Variants in PZP observed in about 807,000 individuals in gnomAD.
PZP encodes the protein PZP alpha-2-macroglobulin like, also known as pregnancy zone protein.
PZP carries 150 observed loss-of-function variants against 179.8 expected under a neutral mutation model. That is an observed-to-expected ratio of 0.83 (90% CI 0.73 to 0.96). PZP has a LOEUF of 0.96. Ranked by LOEUF, PZP falls within the 40% of genes least tolerant of loss-of-function variation. The pLI is 0.00. For missense variants in PZP, 1,689 were observed against 1,764.0 expected (o/e 0.96, Z 0.76); for synonymous variants, 624 against 652.3 (o/e 0.96, Z 0.66).
At chr12:9,167,764 G>C (rs186491602) in intron 17 of PZP, among the ~76,000 whole-genome samples, 30 of 151,966 alleles carry the variant, frequency 2.0e-4, no homozygotes, top group African/African-American at 7.2e-4. Flanking sequence ...ATTATATGCC[G>C]TCAATTTTCC....
At chr12:9,194,572 C>G (rs1206247402) in intron 10 of PZP, among the ~76,000 whole-genome samples, 6 of 148,652 alleles carry the variant, frequency 4.0e-5, no homozygotes, top group African/African-American at 1.5e-4. Flanking sequence ...TCACGCCATT[C>G]TCCTGCCTCA....
chr12:9,178,539 A>C (rs1227999956), intron 15 of PZP, among the ~76,000 whole-genome samples: 1 of 152,206 alleles, frequency 6.6e-6, no homozygotes, highest in African/African-American at 2.4e-5. Flanking sequence ...AAGAAAAAAT[A>C]ATGTATGCTG....
At chr12:9,206,795 C>T (rs772855368) in intron 1 of PZP, among the ~76,000 whole-genome samples, 7 of 151,986 alleles carry the variant, frequency 4.6e-5, no homozygotes, top group Non-Finnish European at 8.8e-5. Context: ...GCAGACACAA[C>T]GTAAAAGGAT....
intron 11 of PZP, 73 bp downstream of exon 11, chr12:9,194,004 G>T: frequency 1.5e-6 from 2 of 1,364,730 alleles, no homozygotes; most frequent in Non-Finnish European, 2.0e-6. Flanking sequence ...AATGCAATCT[G>T]TACATTTCTT....
chr12:9,159,961 A>T lies in PZP; in HGVS notation c.3114T>A (p.Tyr1038Ter), dbSNP rs756280366. The change falls in exon 25 of 36, where the codon TAT becomes TAA. Residue 1038 changes from tyrosine to a stop codon, truncating the protein, a stop_gained. Transcript: ENST00000261336. LOFTEE classifies it high-confidence loss of function. ...DGSYSTFGER[Y>*]GRNQGNTWLT... ...ACCAAGTGTTGCCCTGGTTCCTGCC[A>T]TATCGTTCCCCAAAGGTGCTGTAGG... 1 of 1,613,622 alleles carries T rather than the reference A, an allele frequency of 6.2e-7. No individual in the cohort carries two copies. Among genetic ancestry groups the T allele is most frequent in the Admixed American group, 1.7e-5 (1 of 60,010 alleles).
In PZP at chr12:9,160,387, G is replaced by A. The variant is rs1941090793; in HGVS notation, c.2976C>T (p.Val992=). 1 of 1,614,018 alleles carries A rather than the reference G, an allele frequency of 6.2e-7. No individual in the cohort carries two copies. The highest frequency in any genetic ancestry group is 1.7e-5 in the Admixed American group (1 of 60,000). ...GCTGGGTTTCATTCAGATAGTTCAA[G>A]ACATAGATGTTAGGAGCAAATAGGA... The part of the protein sequence containing the change: ...NMVLFAPNIY[V]LNYLNETQQL... Residue 992 remains valine (V), a synonymous_variant, in exon 24 of 36, where the codon GTC becomes GTT. Transcript: ENST00000261336.
rs1420381759 is a variant in PZP, at chr12:9,157,023, C to A, written c.3550+152G>T. The A allele has an allele frequency of 1.9e-5, 11 of 592,852 alleles. No individual in the cohort carries two copies. In the East Asian group the frequency reaches 3.2e-4, roughly 17 times the overall value. 36.7% of individuals were successfully genotyped at this position (592,852 alleles called of 1,614,324 possible). On this transcript the variant is annotated intron_variant, in intron 28 of 35. Transcript: ENST00000261336. ...CATGGTGGTTTGCTGCATGTATCAG[C>A]CCATCACCTGGTTATTAGGTCCCCC...
chr12:9,203,731 T>A (rs761916484), intron 2 of PZP, 37 bp downstream of exon 2: 1 of 1,609,240 alleles, frequency 6.2e-7, no homozygotes. Context: ...ATAAAATGTA[T>A]CAAGCAGGGA....
rs778240205 is a variant in PZP, at chr12:9,169,562, G to A, written c.1869C>T (p.Leu623=). The change falls in exon 16 of 36, where the codon CTC becomes CTT. Residue 623 remains leucine, a synonymous_variant. Coordinates refer to ENST00000261336, the MANE Select transcript of PZP (RefSeq NM_002864.3). ...SVYNLLTVKD[L]TNFPDNVDQQ... ...GGTCCACATTGTCAGGAAAATTGGT[G>A]AGATCCTTCACAGTTAGCAGATTAT... 3 of 1,612,684 alleles carry A rather than the reference G, an allele frequency of 1.9e-6. No individual in the cohort carries two copies. Among genetic ancestry groups the A allele is most frequent in the Admixed American group, 3.3e-5 (2 of 59,800 alleles).
chr12:9,169,890 T>C (rs1245465403), intron 15 of PZP: 1 of 202,230 alleles, frequency 4.9e-6, no homozygotes, highest in African/African-American at 2.3e-5. Context: ...AAAGAAGACG[T>C]AACTTGCATC....
At position 9,190,227 on chromosome 12, in the gene PZP, A is replaced by G. The variant is rs764071041; in HGVS notation, c.1546+1966T>C. ...TTGCAACCCTGTTGCAATGAACAGT[A>G]GCAAAGACATGGAATCAACCTAAAT... On this transcript the variant is annotated intron_variant, in intron 13 of 35. Coordinates refer to ENST00000261336, the MANE Select transcript of PZP (RefSeq NM_002864.3). 4.8e-4 allele frequency among the ~76,000 whole-genome samples: 73 copies of G among 152,342 alleles called. 1 individual carries two copies. In the Middle Eastern group the frequency reaches 0.02, roughly 43 times the overall value.
chr12:9,141,754 A>G, the PZP span, among the ~76,000 whole-genome samples: 42 of 152,212 alleles, frequency 2.8e-4, 1 homozygote, highest in Admixed American at 5.9e-4. Flanking sequence ...TACATGTTAC[A>G]CTGTTAACTT....
At chr12:9,175,865 G>A (rs932110222) in intron 15 of PZP, among the ~76,000 whole-genome samples, 5 of 152,194 alleles carry the variant, frequency 3.3e-5, no homozygotes, top group Non-Finnish European at 7.3e-5. Context: ...TGTGGGGAGT[G>A]TAAATTAGTT....
At chr12:9,206,784 G>A (rs907209462) in intron 1 of PZP, among the ~76,000 whole-genome samples, 3 of 152,026 alleles carry the variant, frequency 2.0e-5, no homozygotes, top group Non-Finnish European at 4.4e-5. Context: ...TTTGTTCAGT[G>A]GCAGACACAA....
At chr12:9,190,681 C>G (rs1325375392) in intron 13 of PZP, among the ~76,000 whole-genome samples, 1 of 151,898 alleles carries the variant, frequency 6.6e-6, no homozygotes, top group Non-Finnish European at 1.5e-5. Context: ...GAACATGAAC[C>G]CTTCAAACCT....
intron 25 of PZP, 144 bp downstream of exon 25, chr12:9,159,794 G>T: frequency 1.4e-6 from 1 of 718,598 alleles, no homozygotes; most frequent in Non-Finnish European, 2.2e-6. Flanking sequence ...AGCCTTCATA[G>T]CTATAAGAAA....
intron 25 of PZP, 46 bp downstream of exon 25, chr12:9,159,892 C>T (rs776214276): frequency 1.4e-5 from 21 of 1,488,406 alleles, no homozygotes; most frequent in Middle Eastern, 3.5e-4. Flanking sequence ...TCTATGTGCA[C>T]GTTCTGAACT....
intron 17 of PZP, chr12:9,167,422 A>G (rs1227443878): frequency 1.3e-5 from 2 of 152,190 alleles, no homozygotes; most frequent in East Asian, 1.9e-4. Context: ...TGGGCTCACA[A>G]GGGTATCTCC....
intron 21 of PZP, 52 bp downstream of exon 21, chr12:9,163,616 C>A: frequency 6.3e-7 from 1 of 1,593,096 alleles, no homozygotes; most frequent in East Asian, 2.2e-5. Context: ...TCAAGAGTGA[C>A]CGCCCGGTGT....
Sources: allele counts gnomAD v4.1 joint callset (sites outside exome capture counted in the v4.1 genomes callset), GRCh38; gene constraint gnomAD v4.1.1; transcripts MANE v1.5; gene names NCBI Gene and HGNC (gene_info 2026-07-23, HGNC 2026-07-21).